Variants in BICC1 observed in about 807,000 individuals in gnomAD.
BICC1 encodes the protein BicC family RNA binding protein 1, also known as protein bicaudal C homolog 1.
A neutral mutation model predicts 111.0 loss-of-function variants in BICC1; 43 were observed. That is an observed-to-expected ratio of 0.39 (90% CI 0.30 to 0.50). The LOEUF (loss-of-function observed/expected upper bound fraction) is 0.50. BICC1 is among the 20% of genes least tolerant of loss of function. The pLI is 0.88. For synonymous variants in BICC1, 467 were observed against 434.4 expected, an observed-to-expected ratio of 1.07 and a Z score of -0.93; for missense variants, 1,091 against 1,203.2, an observed-to-expected ratio of 0.91 and a Z score of 1.38.
At chr10:58,611,489 T>C (rs1374405719) in intron 1 of BICC1, among the ~76,000 whole-genome samples, 1 of 151,762 alleles carries the variant, frequency 6.6e-6, no homozygotes, top group Non-Finnish European at 1.5e-5. Context: ...TCTTTTTTTT[T>C]TTTTGAGACA....
intron 17 of BICC1, among the ~76,000 whole-genome samples, chr10:58,811,707 A>G (rs1477843890): frequency 2.6e-5 from 4 of 152,228 alleles, no homozygotes; most frequent in Non-Finnish European, 5.9e-5. Flanking sequence ...CATAAAACAA[A>G]CAAGAAGTCA....
intron 2 of BICC1, chr10:58,650,580 T>C (rs1445449271): frequency 6.6e-6 from 1 of 152,178 alleles, no homozygotes; most frequent in East Asian, 1.9e-4. Flanking sequence ...CTATCATCCA[T>C]GGAACATTGG....
chr10:58,804,331 C>G (rs967179570), intron 15 of BICC1, among the ~76,000 whole-genome samples: 13 of 152,042 alleles, frequency 8.6e-5, no homozygotes, highest in Non-Finnish European at 1.6e-4. Context: ...GCCTGGACAA[C>G]GTGGCAAAAC....
At chr10:58,796,144 A>G (rs975234649) in intron 9 of BICC1, among the ~76,000 whole-genome samples, 196 bp from the exon 10 acceptor site, 2 of 152,182 alleles carry the variant, frequency 1.3e-5, no homozygotes, top group African/African-American at 4.8e-5. Context: ...ATGGTAACCA[A>G]TAATTTAGGG....
chr10:58,799,197 A>G lies in BICC1; in HGVS notation c.1670A>G (p.Asn557Ser). 6.2e-7 allele frequency: 1 copy of G among 1,613,666 alleles called. No homozygotes were observed. The highest frequency in any genetic ancestry group is 8.5e-7 in the Non-Finnish European group (1 of 1,179,810). ...PGLTPVDVHI[N>S]SMQTEGKKIS... ...TTGACTCCTGTTGATGTCCATATCA[A>G]CAGTATGCAGACCGAAGGCAAAAAA... is the stretch of plus-strand genomic sequence containing the variant. The change falls in exon 12 of 21, where the codon AAC (asparagine) becomes AGC (serine). Residue 557 changes from asparagine to serine, a missense_variant. By Grantham distance (46) the Asn-to-Ser change is conservative (BLOSUM62 1). Around this residue, in one of 3 missense-constraint regions of BICC1, gnomAD observed 843 missense variants for 900.8 expected, o/e 0.94. Coordinates refer to ENST00000373886, the MANE Select transcript of BICC1 (RefSeq NM_001080512.3).
chr10:58,566,428 T>C (rs1843767109), intron 1 of BICC1, among the ~76,000 whole-genome samples: 1 of 152,164 alleles, frequency 6.6e-6, no homozygotes, highest in Non-Finnish European at 1.5e-5. Flanking sequence ...GCTAGTTTCA[T>C]ATTTTTGCAA....
At chr10:58,649,156 C>T (rs1838363234) in intron 2 of BICC1, among the ~76,000 whole-genome samples, 1 of 152,162 alleles carries the variant, frequency 6.6e-6, no homozygotes, top group Admixed American at 6.5e-5. Flanking sequence ...TAGATGATCT[C>T]TTGGGAGAAA....
At chr10:58,544,028 A>G (rs1426640332) in intron 1 of BICC1, among the ~76,000 whole-genome samples, 1 of 152,058 alleles carries the variant, frequency 6.6e-6, no homozygotes, top group Non-Finnish European at 1.5e-5. Flanking sequence ...TACAGTTTAA[A>G]AAAGGTAGCA....
chr10:58,612,916 C>G (rs769491213), intron 1 of BICC1, among the ~76,000 whole-genome samples: 1 of 152,064 alleles, frequency 6.6e-6, no homozygotes, highest in African/African-American at 2.4e-5. Context: ...CAAGCTACCC[C>G]CCTCCCATTT....
intron 1 of BICC1, among the ~76,000 whole-genome samples, chr10:58,601,947 A>G (rs750117893): frequency 7.9e-5 from 12 of 152,142 alleles, no homozygotes; most frequent in Non-Finnish European, 1.3e-4. Flanking sequence ...TTTACATTAT[A>G]TATTTCAGGA....
At chr10:58,554,900 C>T (rs1254447006) in intron 1 of BICC1, among the ~76,000 whole-genome samples, 1 of 149,634 alleles carries the variant, frequency 6.7e-6, no homozygotes, top group Admixed American at 6.7e-5. Context: ...TAATATTTTA[C>T]TATTTTATTT....
intron 3 of BICC1, among the ~76,000 whole-genome samples, chr10:58,707,696 A>G (rs1207032576): frequency 6.6e-6 from 1 of 151,120 alleles, no homozygotes; most frequent in East Asian, 1.9e-4. Flanking sequence ...CGCCCAGCTT[A>G]TTATTATTAT....
intron 2 of BICC1, among the ~76,000 whole-genome samples, chr10:58,667,149 G>A (rs1156970759): frequency 6.6e-6 from 1 of 152,098 alleles, no homozygotes; most frequent in African/African-American, 2.4e-5. Context: ...ATTACTGTGT[G>A]TTTGTACCTC....
At chr10:58,793,938 T>C (rs1049692187) in intron 9 of BICC1, among the ~76,000 whole-genome samples, 6 of 152,318 alleles carry the variant, frequency 3.9e-5, no homozygotes, top group African/African-American at 1.4e-4. Flanking sequence ...TCAACTTGTA[T>C]AATATATATG....
intron 3 of BICC1, among the ~76,000 whole-genome samples, chr10:58,754,320 T>C (rs1239744695): frequency 6.6e-6 from 1 of 152,202 alleles, no homozygotes; most frequent in Admixed American, 6.5e-5. Flanking sequence ...TTTCTTTTAT[T>C]GCAAGTAAAA....
intron 18 of BICC1, among the ~76,000 whole-genome samples, chr10:58,817,250 A>G (rs1049702161): frequency 1.4e-4 from 21 of 152,088 alleles, no homozygotes; most frequent in African/African-American, 4.6e-4. Flanking sequence ...CATCCAATCA[A>G]TTTTAAACAA....
intron 3 of BICC1, among the ~76,000 whole-genome samples, chr10:58,730,899 A>G (rs1277749320): frequency 1.3e-5 from 2 of 152,122 alleles, no homozygotes; most frequent in African/African-American, 2.4e-5. Flanking sequence ...CTCCCTGCCT[A>G]TGATGGGAGA....
chr10:58,538,880 A>G (rs1589075852), intron 1 of BICC1, among the ~76,000 whole-genome samples: 1 of 151,808 alleles, frequency 6.6e-6, no homozygotes, highest in East Asian at 1.9e-4. Flanking sequence ...GCAACAAGAT[A>G]CTACTGTACC....
In BICC1 at chr10:58,817,657, G is replaced by T; in HGVS notation, c.2629G>T (p.Asp877Tyr). The T allele has an allele frequency of 6.2e-7, 1 of 1,613,504 alleles. No homozygotes were observed. Among genetic ancestry groups the T allele is most frequent in the Non-Finnish European group, 8.5e-7 (1 of 1,179,638 alleles). ...CTTAAATAGCTCTTTCAAAGGTTCT[G>T]ACCTCCCTGAGCTCTTCAGCAAACT... ...CNLNSSFKGSDLPELFSKLGL... is the reference protein window; with the variant it reads ...CNLNSSFKGSYLPELFSKLGL... The change falls in exon 19 of 21, where the codon GAC (aspartate) becomes TAC (tyrosine). Residue 877 changes from aspartate (D) to tyrosine (Y), a missense_variant. By Grantham distance (160) the Asp-to-Tyr change is radical. Coordinates refer to ENST00000373886, the MANE Select transcript of BICC1 (RefSeq NM_001080512.3).
Sources: gnomAD v4.1 joint callset for allele counts (sites outside exome capture counted in the v4.1 genomes callset) on GRCh38, gnomAD v4.1.1 for gene constraint, gnomAD v4.1.1 regional missense constraint, MANE v1.5 for transcripts, NCBI Gene and HGNC (gene_info 2026-07-23, HGNC 2026-07-21) for gene names.